The following KIF26B variants were observed in gnomAD, a reference collection of about 807,000 sequenced individuals.
KIF26B encodes kinesin family member 26B.
In KIF26B, 63 loss-of-function variants were observed where a neutral mutation model predicts 151.2. That is an observed-to-expected ratio of 0.42 (90% CI 0.34 to 0.51). The LOEUF (loss-of-function observed/expected upper bound fraction) is 0.51. KIF26B is among the 20% of genes least tolerant of loss of function. The probability of loss-of-function intolerance (pLI) is 0.07; values close to 1 mark genes in which losing one functional copy is unlikely to be tolerated. For missense variants in KIF26B, 2,813 were observed against 2,913.6 expected, an observed-to-expected ratio of 0.97 and a Z score of 0.79; for synonymous variants, 1,357 against 1,262.1, an observed-to-expected ratio of 1.08 and a Z score of -1.59.
At chr1:245,330,828 A>AGAGTCGGGGC (rs1672094037) in intron 2 of KIF26B, among the ~76,000 whole-genome samples, 1 of 37,534 alleles carries the variant, frequency 2.7e-5, no homozygotes, top group Non-Finnish European at 4.6e-5. Flanking sequence ...AGAGTCGGGG[A>AGAGTCGGGGC]GGGAGTGGGG....
At chr1:245,236,478 TATTATA>T (rs1252758664) in intron 2 of KIF26B, among the ~76,000 whole-genome samples, 1 of 152,240 alleles carries the variant, frequency 6.6e-6, no homozygotes, top group Non-Finnish European at 1.5e-5. Flanking sequence ...TGACAATCAA[TATTATA>T]ATTATTAATA....
chr1:245,535,176 C>T (rs1364916338), intron 4 of KIF26B, among the ~76,000 whole-genome samples: 4 of 152,150 alleles, frequency 2.6e-5, no homozygotes, highest in Admixed American at 6.5e-5. Context: ...TTAACCTTCT[C>T]TTCTCTGTGT....
rs568194112 is a variant in KIF26B at position 245,241,749 on chromosome 1, C to T, written c.465+85066C>T. Among the ~76,000 whole-genome samples the T allele has an allele frequency of 6.6e-6, 1 of 152,314 alleles. No individual in the cohort carries two copies. Among genetic ancestry groups the T allele is most frequent in the African/African-American group, 2.4e-5 (1 of 41,580 alleles). On this transcript the variant is annotated intron_variant, in intron 2 of 14. Coordinates refer to ENST00000407071, the MANE Select transcript of KIF26B (RefSeq NM_018012.4). This position sits in a 1 kb window ranked among gnomAD's most constrained non-coding sequence, Gnocchi z 5.0. ...CTGGCTGCCCGCTCCCTCCTGTGGG[C>T]AGTGCTTCACAGCGGCAGCGGGAGC...
At position 245,606,947 on chromosome 1, in the gene KIF26B, TC is replaced by T. The variant is rs1219310808; in HGVS notation, c.1558-701del. Among the ~76,000 whole-genome samples the T allele has an allele frequency of 6.0e-5, 9 of 150,924 alleles. No homozygotes were observed. Among genetic ancestry groups the T allele is most frequent in the Non-Finnish European group, 1.2e-4 (8 of 67,918 alleles). ...CAGGCATGGTGGCACATGCCTGTAA[TC>T]CCAGCTACTCGGGAGGCTGAGGCAA... On this transcript the variant is annotated intron_variant, in intron 6 of 14. Coordinates refer to ENST00000407071, the MANE Select transcript of KIF26B (RefSeq NM_018012.4). The surrounding 1 kb of genome is among the most constrained non-coding windows in gnomAD (Gnocchi z 4.6).
chr1:245,624,557 CTCT>C, intron 9 of KIF26B, among the ~76,000 whole-genome samples: 1 of 152,282 alleles, frequency 6.6e-6, no homozygotes, highest in Admixed American at 6.5e-5. Flanking sequence ...GCATCCATAC[CTCT>C]TCTTTGGTGA....
intron 2 of KIF26B, among the ~76,000 whole-genome samples, chr1:245,278,805 G>T (rs1313387707): frequency 6.6e-6 from 1 of 152,180 alleles, no homozygotes; most frequent in Non-Finnish European, 1.5e-5. Context: ...TTGCTGTTTA[G>T]CTTTTAGAAA....
chr1:245,366,913 A>G lies in KIF26B; in HGVS notation c.545A>G (p.Asn182Ser). 6.2e-7 allele frequency: 1 copy of G among 1,614,058 alleles called. No individual in the cohort carries two copies. The highest frequency in any genetic ancestry group is 2.2e-5 in the East Asian group (1 of 44,886). Residue 182 changes from asparagine (N) to serine (S), a missense_variant, in exon 3 of 15, where the codon AAC becomes AGC. Physicochemically the swap from Asn to Ser is conservative, Grantham distance 46. Transcript: ENST00000407071. The part of the protein sequence containing the change: ...TIRKAWNDRD[N>S]RCDICATHLN... ...CGGAAGGCATGGAACGACCGGGACAACCGCTGTGACATTTGCGCCACTCAC... is the reference window on the plus strand; with the variant it reads ...CGGAAGGCATGGAACGACCGGGACAGCCGCTGTGACATTTGCGCCACTCAC...
At chr1:245,633,177 T>C (rs1360860531) in intron 9 of KIF26B, among the ~76,000 whole-genome samples, 2 of 152,140 alleles carry the variant, frequency 1.3e-5, no homozygotes, top group African/African-American at 2.4e-5. Context: ...GGCACACTTT[T>C]GGTTTCTATT....
Position 245,352,401 on chromosome 1 carries a change from T to C in KIF26B, c.466-14433T>C, listed in dbSNP as rs1672586267. Among the ~76,000 whole-genome samples the C allele has an allele frequency of 6.6e-6, 1 of 152,086 alleles. No individual in the cohort carries two copies. Among genetic ancestry groups the C allele is most frequent in the Non-Finnish European group, 1.5e-5 (1 of 68,000 alleles). On this transcript the variant is annotated intron_variant, in intron 2 of 14. Coordinates refer to ENST00000407071, the MANE Select transcript of KIF26B (RefSeq NM_018012.4). The surrounding 1 kb of genome is among the most constrained non-coding windows in gnomAD (Gnocchi z 5.0). ...GCCTCAGCCTCCTGAGTAGCTGGGA[T>C]TACAGGCACCCACCACCACACCTGG...
At chr1:245,188,980 T>C (rs2103531638) in intron 2 of KIF26B, among the ~76,000 whole-genome samples, 1 of 152,350 alleles carries the variant, frequency 6.6e-6, no homozygotes, top group East Asian at 1.9e-4. Flanking sequence ...ATGGCTTTGC[T>C]TACACGAGGT....
intron 9 of KIF26B, among the ~76,000 whole-genome samples, chr1:245,640,049 A>G (rs987100210): frequency 1.3e-5 from 2 of 149,764 alleles, no homozygotes; most frequent in Middle Eastern, 3.4e-3. Flanking sequence ...CCTATTGCCA[A>G]AAGTGAGGTG....
Position 245,235,754 on chromosome 1 carries a change from C to T in KIF26B, c.465+79071C>T, listed in dbSNP as rs373054378. Among the ~76,000 whole-genome samples the T allele has an allele frequency of 2.0e-5, 3 of 152,032 alleles. No individual in the cohort carries two copies. In the East Asian group the frequency reaches 5.8e-4, roughly 29 times the overall value. On this transcript the variant is annotated intron_variant, in intron 2 of 14. Coordinates refer to ENST00000407071, the MANE Select transcript of KIF26B (RefSeq NM_018012.4). Reference sequence around the variant, plus strand: ...CAGAAAACTGGAGTAAAGTCTGAAGCTCCTGAAATAATAGTCAGTGTGCTA... The same window carrying T: ...CAGAAAACTGGAGTAAAGTCTGAAGTTCCTGAAATAATAGTCAGTGTGCTA...
intron 2 of KIF26B, among the ~76,000 whole-genome samples, chr1:245,217,454 G>T (rs1219829675): frequency 6.7e-6 from 1 of 149,800 alleles, no homozygotes; most frequent in African/African-American, 2.5e-5. Context: ...AACCTCCGCT[G>T]CTGGGGTTCA....
chr1:245,654,217 G>T (rs1212702046), intron 10 of KIF26B, among the ~76,000 whole-genome samples: 1 of 151,790 alleles, frequency 6.6e-6, no homozygotes, highest in Non-Finnish European at 1.5e-5. Flanking sequence ...TGTAAAATAC[G>T]AAAGGTAAAA....
rs1172352208 is a variant in KIF26B at position 245,358,262 on chromosome 1, T to G, written c.466-8572T>G. On this transcript the variant is annotated intron_variant, in intron 2 of 14. Transcript: ENST00000407071. This position sits in a 1 kb window ranked among gnomAD's most constrained non-coding sequence, Gnocchi z 4.1. ...CACCAAATTTTAGGTATTTAATCTTTTTGTAGTAAGTTTAAGAAAACACAG... is the reference window on the plus strand; with the variant it reads ...CACCAAATTTTAGGTATTTAATCTTGTTGTAGTAAGTTTAAGAAAACACAG... 6.6e-6 allele frequency among the ~76,000 whole-genome samples: 1 copy of G among 152,182 alleles called. No individual in the cohort carries two copies. The highest frequency in any genetic ancestry group is 6.5e-5 in the Admixed American group (1 of 15,286).
At chr1:245,173,457 G>A (rs138519268) in intron 2 of KIF26B, among the ~76,000 whole-genome samples, 165 of 152,278 alleles carry the variant, frequency 1.1e-3, no homozygotes, top group Non-Finnish European at 2.0e-3. Context: ...GCCCAGTGAC[G>A]GCTCATGAGG....
In KIF26B at chr1:245,352,396, T is replaced by C. The variant is rs1378199543; in HGVS notation, c.466-14438T>C. Among the ~76,000 whole-genome samples, 2 of 152,160 alleles carry C rather than the reference T, an allele frequency of 1.3e-5. No individual in the cohort carries two copies. The highest frequency in any genetic ancestry group is 2.1e-4 in the South Asian group (1 of 4,826). The stretch of plus-strand genomic sequence containing the variant: ...CTCCTGCCTCAGCCTCCTGAGTAGC[T>C]GGGATTACAGGCACCCACCACCACA... On this transcript the variant is annotated intron_variant, in intron 2 of 14. Coordinates refer to ENST00000407071, the MANE Select transcript of KIF26B (RefSeq NM_018012.4). The surrounding 1 kb of genome is among the most constrained non-coding windows in gnomAD (Gnocchi z 5.0).
intron 10 of KIF26B, chr1:245,673,583 A>T (rs991062073): frequency 6.6e-6 from 1 of 152,300 alleles, no homozygotes; most frequent in Non-Finnish European, 1.5e-5. Flanking sequence ...CAAAGCCCAG[A>T]TTCTACACAC....
At position 245,702,356 on chromosome 1, in the gene KIF26B, C is replaced by T; in HGVS notation, c.6179-102C>T. ...AAGGCAAGCGAACTAGACCTTTAGA[C>T]CAAGGGGTAGATGTGGGGGTGGCAG... On this transcript the variant is annotated intron_variant, in intron 14 of 14. Coordinates refer to ENST00000407071, the MANE Select transcript of KIF26B (RefSeq NM_018012.4). This position sits in a 1 kb window ranked among gnomAD's most constrained non-coding sequence, Gnocchi z 4.1. 1 of 1,330,180 alleles carries T rather than the reference C, an allele frequency of 7.5e-7. No homozygotes were observed. Among genetic ancestry groups the T allele is most frequent in the East Asian group, 2.3e-5 (1 of 43,288 alleles). The allele number at this position is 1,330,180 out of a possible 1,614,324, so 82.4% of individuals were successfully genotyped here. A position where few individuals can be genotyped will look rare whatever the true frequency, so the allele number is the denominator to read the frequency against.
Sources: allele counts gnomAD v4.1 joint callset (sites outside exome capture counted in the v4.1 genomes callset), GRCh38; gene constraint gnomAD v4.1.1; non-coding constraint Gnocchi (gnomAD v3.1); transcripts MANE v1.5; gene names NCBI Gene and HGNC (gene_info 2026-07-23, HGNC 2026-07-21).